The following ADAMTS9 variants were observed in gnomAD, a reference collection of about 807,000 sequenced individuals.
ADAMTS9 encodes the protein A disintegrin and metalloproteinase with thrombospondin motifs 9.
A neutral mutation model predicts 257.1 loss-of-function variants in ADAMTS9; 107 were observed. The observed-to-expected ratio is 0.42, with a 90% CI of 0.36 to 0.49. The LOEUF is 0.49. ADAMTS9 is among the 20% of genes least tolerant of loss of function. The pLI is 0.03. For synonymous variants in ADAMTS9, 982 were observed against 880.9 expected (o/e 1.11, Z -2.03); for missense variants, 2,353 against 2,469.1 (o/e 0.95, Z 1.00).
intron 13 of ADAMTS9, 41 bp downstream of exon 13, chr3:64,633,657 C>A: frequency 1.2e-6 from 2 of 1,613,762 alleles, no homozygotes; most frequent in East Asian, 2.2e-5. Flanking sequence ...GGCCTCAGTG[C>A]CGGCCGGCCA....
intron 7 of ADAMTS9, 46 bp from the exon 8 acceptor site, chr3:64,654,504 C>T (rs1343872468): frequency 1.3e-6 from 2 of 1,598,892 alleles, no homozygotes; most frequent in African/African-American, 2.9e-5. Flanking sequence ...TAAAAAGCAA[C>T]TGTGGCTTGA....
At chr3:64,561,509 C>G in intron 30 of ADAMTS9, 69 bp downstream of exon 30, 2 of 1,521,430 alleles carry the variant, frequency 1.3e-6, no homozygotes, top group Non-Finnish European at 1.8e-6. Context: ...TTATAGGGAA[C>G]AGATGTGAGG....
intron 3 of ADAMTS9, among the ~76,000 whole-genome samples, chr3:64,675,988 T>C (rs1198307840): frequency 1.3e-5 from 2 of 152,164 alleles, no homozygotes; most frequent in Admixed American, 1.3e-4. Context: ...CAGGAAGTGA[T>C]GGTACCTTCT....
intron 31 of ADAMTS9, 22 bp from the exon 32 acceptor site, chr3:64,546,974 G>A: frequency 6.3e-7 from 1 of 1,590,624 alleles, no homozygotes; most frequent in Non-Finnish European, 8.6e-7. Flanking sequence ...GGGATTGAGA[G>A]GAGAGGTTCG....
intron 28 of ADAMTS9, among the ~76,000 whole-genome samples, chr3:64,590,236 A>C (rs2084235744): frequency 2.0e-5 from 3 of 152,198 alleles, no homozygotes; most frequent in Admixed American, 2.0e-4. Flanking sequence ...TTTAAAATAC[A>C]TACTTGAAGC....
At chr3:64,574,338 A>AT (rs34520824) in intron 28 of ADAMTS9, among the ~76,000 whole-genome samples, 3 of 151,850 alleles carry the variant, frequency 2.0e-5, no homozygotes, top group South Asian at 2.1e-4. Context: ...AGCTATTAGG[A>AT]TTTTTTTTGT....
At position 64,516,187 on chromosome 3, in the gene ADAMTS9, C is replaced by A. The variant is rs145593145; in HGVS notation, c.*940G>T. On this transcript the variant is annotated 3_prime_UTR_variant, in exon 40 of 40. Coordinates refer to ENST00000498707, the MANE Select transcript of ADAMTS9 (RefSeq NM_182920.2). ...GAAGGTCATGCCCATTCTGTGCATC[C>A]TGTGTCTTTCTACTGGTAAACTTGG... The A allele has an allele frequency of 6.6e-6, 1 of 152,572 alleles. No homozygotes were observed. Among genetic ancestry groups the A allele is most frequent in the East Asian group, 1.9e-4 (1 of 5,176 alleles). 9.5% of individuals were successfully genotyped at this position (152,572 alleles called of 1,614,324 possible).
chr3:64,658,625 G>A lies in ADAMTS9; in HGVS notation c.846C>T (p.His282=), dbSNP rs141990710. Residue 282 remains histidine, a synonymous_variant, in exon 4 of 40, where the codon CAC becomes CAT. Transcript: ENST00000498707. The part of the protein sequence containing the change: ...KTDNTREKRT[H]RRTKRFLSYP... ...AGGATAAAAAACGTTTTGTCCTTCT[G>A]TGGGTCCTCTTTTCTCTTGTGTTGT... The A allele has an allele frequency of 1.0e-3, 1,674 of 1,613,944 alleles. 2 individuals are homozygous for A. The highest frequency in any genetic ancestry group is 1.5e-3 in the Admixed American group (90 of 59,978).
rs147779775 is a variant in ADAMTS9, at chr3:64,615,100, C to G, written c.3189+221G>C. 412 of 485,270 alleles carry G rather than the reference C, an allele frequency of 8.5e-4. 1 individual carries two copies. The highest frequency in any genetic ancestry group is 1.0e-3 in the Admixed American group (27 of 26,290). 30.1% of individuals were successfully genotyped at this position (485,270 alleles called of 1,614,324 possible). ...AACAGAAGCTACAACAGTGAGTGAT[C>G]TAGCCAAGCCCAAAGTGCCCTGAGG... On this transcript the variant is annotated intron_variant, in intron 21 of 39. Coordinates refer to ENST00000498707, the MANE Select transcript of ADAMTS9 (RefSeq NM_182920.2).
intron 29 of ADAMTS9, among the ~76,000 whole-genome samples, chr3:64,567,724 C>T (rs2106678621): frequency 6.6e-6 from 1 of 151,516 alleles, no homozygotes; most frequent in East Asian, 1.9e-4. Flanking sequence ...ATACACACAT[C>T]ACACTTGTCC....
At chr3:64,656,606 A>C (rs1479667610) in intron 4 of ADAMTS9, among the ~76,000 whole-genome samples, 1 of 152,162 alleles carries the variant, frequency 6.6e-6, no homozygotes, top group African/African-American at 2.4e-5. Flanking sequence ...GTTTGACCCA[A>C]AGTCCATGTT....
chr3:64,653,800 A>G (rs1035115328), intron 8 of ADAMTS9, among the ~76,000 whole-genome samples: 3 of 152,214 alleles, frequency 2.0e-5, no homozygotes, highest in Non-Finnish European at 4.4e-5. Flanking sequence ...CATAACGGCC[A>G]CTTAGTGACC....
intron 22 of ADAMTS9, 43 bp downstream of exon 22, chr3:64,613,302 A>T: frequency 1.3e-6 from 2 of 1,596,740 alleles, no homozygotes. Flanking sequence ...TCCAGATAAG[A>T]AGGAAAGAAT....
chr3:64,623,211 G>A (rs914424157), intron 16 of ADAMTS9, among the ~76,000 whole-genome samples: 3 of 152,172 alleles, frequency 2.0e-5, no homozygotes, highest in East Asian at 3.9e-4. Flanking sequence ...AGGAATGACT[G>A]CAATCACTAG....
At chr3:64,630,883 G>T (rs1431039715) in intron 16 of ADAMTS9, among the ~76,000 whole-genome samples, 1 of 152,156 alleles carries the variant, frequency 6.6e-6, no homozygotes, top group Non-Finnish European at 1.5e-5. Flanking sequence ...ATAAGGAATA[G>T]ATATGAATTA....
chr3:64,556,441 C>T (rs1248674665), intron 30 of ADAMTS9, among the ~76,000 whole-genome samples: 1 of 152,172 alleles, frequency 6.6e-6, no homozygotes, highest in East Asian at 1.9e-4. Flanking sequence ...TCACTTCAGC[C>T]TCCCAGGTAG....
In ADAMTS9 at chr3:64,594,379, G is replaced by T. The variant is rs1271112844; in HGVS notation, c.4235C>A (p.Ser1412Tyr). ...CAAATCTGGAAACCGTTCACCGTTG[G>T]ACCGCTGACAGACCACCAGTCTTGT... Reference protein sequence around the residue: ...IRTRLVVCQRSNGERFPDLSC... With the variant: ...IRTRLVVCQRYNGERFPDLSC... Residue 1412 changes from serine to tyrosine, a missense_variant, in exon 28 of 40, where the codon TCC becomes TAC. Physicochemically the swap from Ser to Tyr is moderately radical, Grantham distance 144. Coordinates refer to ENST00000498707, the MANE Select transcript of ADAMTS9 (RefSeq NM_182920.2). The T allele has an allele frequency of 1.9e-6, 3 of 1,613,962 alleles. No homozygotes were observed. In the Admixed American group the frequency reaches 5.0e-5, roughly 27 times the overall value.
In ADAMTS9 at chr3:64,603,972, C is replaced by T; in HGVS notation, c.3697G>A (p.Glu1233Lys). The change falls in exon 25 of 40, where the codon GAA becomes AAA. Residue 1233 changes from glutamate to lysine, a missense_variant. By Grantham distance (56) the Glu-to-Lys change is moderately conservative. This residue lies in a region of ADAMTS9 where 1,402 missense variants were observed against 1,441.4 expected (regional missense o/e 0.97). Transcript: ENST00000498707. ...ATLPRPVAKE[E>K]CSVTPCGQWK... ...TGCCCACAGGGTGTCACAGAACATTCTTCCTTTGCCACTGGTCTAGGCAGG... is the reference window on the plus strand; with the variant it reads ...TGCCCACAGGGTGTCACAGAACATTTTTCCTTTGCCACTGGTCTAGGCAGG... 2 of 1,614,064 alleles carry T rather than the reference C, an allele frequency of 1.2e-6. No homozygotes were observed. The highest frequency in any genetic ancestry group is 1.7e-6 in the Non-Finnish European group (2 of 1,179,986).
intron 39 of ADAMTS9, among the ~76,000 whole-genome samples, chr3:64,518,320 T>C (rs894130693): frequency 6.6e-6 from 1 of 152,174 alleles, no homozygotes; most frequent in Admixed American, 6.5e-5. Context: ...AAATGTCAAA[T>C]AGGCACTCTT....
Sources: gnomAD v4.1 joint callset for allele counts (sites outside exome capture counted in the v4.1 genomes callset) on GRCh38, gnomAD v4.1.1 for gene constraint, gnomAD v4.1.1 regional missense constraint, MANE v1.5 for transcripts, NCBI Gene and HGNC (gene_info 2026-07-23, HGNC 2026-07-21) for gene names.